The following FBLN5 variants were observed in gnomAD, a reference collection of about 807,000 sequenced individuals.
FBLN5 encodes the protein fibulin 5.
FBLN5 carries 24 observed loss-of-function variants against 61.6 expected under a neutral mutation model. The ratio of observed to expected loss-of-function variants is 0.39; its 90% CI spans 0.28 to 0.55. FBLN5 has a LOEUF of 0.55. FBLN5 is among the 20% of genes least tolerant of loss of function. The pLI is 0.65. For synonymous variants in FBLN5, 213 were observed against 219.8 expected, an observed-to-expected ratio of 0.97 and a Z score of 0.27; for missense variants, 470 against 594.1, an observed-to-expected ratio of 0.79 and a Z score of 2.17.
At chr14:91,896,465 C>T (rs1385167811) in intron 4 of FBLN5, among the ~76,000 whole-genome samples, 2 of 149,732 alleles carry the variant, frequency 1.3e-5, no homozygotes, top group Non-Finnish European at 3.0e-5. Context: ...ATGGTGCAGT[C>T]GGAAGTAATA....
intron 3 of FBLN5, among the ~76,000 whole-genome samples, chr14:91,937,895 G>A (rs1040755229): frequency 4.6e-5 from 7 of 152,154 alleles, no homozygotes; most frequent in African/African-American, 1.4e-4. Flanking sequence ...CTTTAAGTAA[G>A]CCCATATTTG....
rs115356172 is a variant in FBLN5 at position 91,940,502 on chromosome 14, T to G, written c.124+63A>C. The G allele has an allele frequency of 4.9e-4, 647 of 1,320,794 alleles. 6 individuals are homozygous for G. The African/African-American group carries it at 8.3e-3, about 17-fold the overall frequency. The allele number at this position is 1,320,794 out of a possible 1,614,324, so 81.8% of individuals were successfully genotyped here. ...AATCATTGAACAACAGAGAAAGAAA[T>G]AAATAGCACTGCAACTGGGCTGAAT... On this transcript the variant is annotated intron_variant, in intron 3 of 10. Coordinates refer to ENST00000342058, the MANE Select transcript of FBLN5 (RefSeq NM_006329.4).
chr14:91,912,708 G>T (rs1355270862), intron 4 of FBLN5, among the ~76,000 whole-genome samples: 1 of 151,456 alleles, frequency 6.6e-6, no homozygotes, highest in Non-Finnish European at 1.5e-5. Flanking sequence ...TACTCGGGAG[G>T]CTAAGGTTGG....
At chr14:91,936,678 C>T (rs112777612) in intron 4 of FBLN5, among the ~76,000 whole-genome samples, 34 of 152,124 alleles carry the variant, frequency 2.2e-4, no homozygotes, top group African/African-American at 8.2e-4. Flanking sequence ...TAGATAGATA[C>T]AGATAGGTAG....
Position 91,882,865 on chromosome 14 carries a change from G to A in FBLN5, c.862+89C>T, listed in dbSNP as rs113314555. ...CTGCCACCTTCCCAAAGCTGCACAT[G>A]ATTCCCCAGGTGAGGATATCCAGAT... On this transcript the variant is annotated intron_variant, in intron 8 of 10. Transcript: ENST00000342058. This position sits in a 1 kb window ranked among gnomAD's most constrained non-coding sequence, Gnocchi z 4.9. 1.3e-5 allele frequency: 19 copies of A among 1,486,490 alleles called. 1 individual carries two copies. Among genetic ancestry groups the A allele is most frequent in the African/African-American group, 8.3e-5 (6 of 72,210 alleles). 92.1% of individuals were successfully genotyped at this position (1,486,490 alleles called of 1,614,324 possible).
intron 5 of FBLN5, among the ~76,000 whole-genome samples, chr14:91,894,169 C>A (rs1890110269): frequency 6.6e-6 from 1 of 151,570 alleles, no homozygotes; most frequent in Admixed American, 6.6e-5. Context: ...GAGGCTGAGG[C>A]AGGCAGATCA....
At chr14:91,932,416 C>A (rs931335306) in intron 4 of FBLN5, among the ~76,000 whole-genome samples, 18 of 152,174 alleles carry the variant, frequency 1.2e-4, no homozygotes, top group African/African-American at 4.3e-4. Context: ...AGGGACTGGC[C>A]ACCCAGGTGC....
chr14:91,941,780 T>TG (rs11424695), intron 2 of FBLN5, among the ~76,000 whole-genome samples: 85,848 of 151,714 alleles, frequency 0.57, 24,383 homozygotes, highest in East Asian at 0.73. Flanking sequence ...ATCTGTAAAA[T>TG]GGGGGGGTAT....
chr14:91,869,842 G>A lies in FBLN5; in HGVS notation c.*382C>T, dbSNP rs966219578. 5 of 333,002 alleles carry A rather than the reference G, an allele frequency of 1.5e-5. No individual in the cohort carries two copies. The highest frequency in any genetic ancestry group is 2.9e-5 in the Non-Finnish European group (5 of 169,994). 20.6% of individuals were successfully genotyped at this position (333,002 alleles called of 1,614,324 possible). A position where few individuals can be genotyped will look rare whatever the true frequency, so the allele number is the denominator to read the frequency against. ...CAAAGCAGTAACACAGTGAGAGAAG[G>A]AGTGGAAGAGGTGAAGAAGTGACAG... On this transcript the variant is annotated 3_prime_UTR_variant, in exon 11 of 11. Transcript: ENST00000342058.
chr14:91,947,304 A>G lies in FBLN5; in HGVS notation c.-75T>C. On this transcript the variant is annotated 5_prime_UTR_variant, in exon 1 of 11. Coordinates refer to ENST00000342058, the MANE Select transcript of FBLN5 (RefSeq NM_006329.4). The surrounding 1 kb of genome is among the most constrained non-coding windows in gnomAD (Gnocchi z 4.3). ...GCGGGACCCCCGGAGGAGCTCGGGCACGTCGGCCTCCTCTGGGCCCTCGGG... is the reference window on the plus strand; with the variant it reads ...GCGGGACCCCCGGAGGAGCTCGGGCGCGTCGGCCTCCTCTGGGCCCTCGGG... 3 of 1,578,568 alleles carry G rather than the reference A, an allele frequency of 1.9e-6. No homozygotes were observed. The highest frequency in any genetic ancestry group is 2.6e-6 in the Non-Finnish European group (3 of 1,148,510).
chr14:91,902,265 TTTTGTTTG>T (rs1363997488), intron 4 of FBLN5, among the ~76,000 whole-genome samples: 1 of 115,172 alleles, frequency 8.7e-6, no homozygotes, highest in African/African-American at 3.0e-5. Context: ...ACATGGGTTT[TTTTGTTTG>T]TTTGTTTGTT....
chr14:91,886,902 C>A (rs922681860), intron 7 of FBLN5, among the ~76,000 whole-genome samples: 20 of 152,144 alleles, frequency 1.3e-4, no homozygotes, highest in African/African-American at 4.8e-4. Flanking sequence ...AACCAACATG[C>A]CAAATCGGGT....
intron 4 of FBLN5, among the ~76,000 whole-genome samples, chr14:91,911,522 G>A (rs1360034354): frequency 6.6e-6 from 1 of 152,212 alleles, no homozygotes; most frequent in East Asian, 1.9e-4. Flanking sequence ...AGAAGGGAGT[G>A]TGAGGGCGGG....
intron 4 of FBLN5, among the ~76,000 whole-genome samples, chr14:91,917,594 A>G (rs1252713079): frequency 2.6e-5 from 4 of 151,442 alleles, no homozygotes; most frequent in South Asian, 2.1e-4. Flanking sequence ...AAAAAAAAAA[A>G]AAAAAAGAAA....
intron 4 of FBLN5, among the ~76,000 whole-genome samples, chr14:91,908,398 C>T (rs1039201151): frequency 6.6e-6 from 1 of 152,196 alleles, no homozygotes; most frequent in Non-Finnish European, 1.5e-5. Flanking sequence ...TCATCTTCTA[C>T]AGAGACTTTC....
At chr14:91,940,431 T>G (rs1361671951) in intron 3 of FBLN5, 134 bp downstream of exon 3, 1 of 787,780 alleles carries the variant, frequency 1.3e-6, no homozygotes, top group African/African-American at 1.7e-5. Context: ...AGGGCACCAC[T>G]GACTTCAGTC....
At chr14:91,916,979 G>A (rs1043785308) in intron 4 of FBLN5, among the ~76,000 whole-genome samples, 1 of 152,178 alleles carries the variant, frequency 6.6e-6, no homozygotes, top group African/African-American at 2.4e-5. Context: ...AAGCCCATGG[G>A]TTGCTAGTCA....
chr14:91,880,877 T>C (rs749262948), intron 9 of FBLN5, among the ~76,000 whole-genome samples: 1 of 152,122 alleles, frequency 6.6e-6, no homozygotes, highest in Non-Finnish European at 1.5e-5. Flanking sequence ...CTGTGTGTTG[T>C]GGTCAAACAT....
intron 5 of FBLN5, among the ~76,000 whole-genome samples, chr14:91,894,163 C>T (rs538947536): frequency 2.0e-5 from 3 of 150,836 alleles, no homozygotes; most frequent in Non-Finnish European, 3.0e-5. Flanking sequence ...CTTTGGGAGG[C>T]TGAGGCAGGC....
Sources: allele counts gnomAD v4.1 joint callset (sites outside exome capture counted in the v4.1 genomes callset), GRCh38; gene constraint gnomAD v4.1.1; non-coding constraint Gnocchi (gnomAD v3.1); transcripts MANE v1.5; gene names NCBI Gene and HGNC (gene_info 2026-07-23, HGNC 2026-07-21).